DENND5B: variants seen among roughly 807,000 people sequenced by gnomAD.
DENND5B encodes DENN domain containing 5B.
A neutral mutation model predicts 140.6 loss-of-function variants in DENND5B; 34 were observed. That is an observed-to-expected ratio of 0.24 (90% CI 0.18 to 0.32). The LOEUF (loss-of-function observed/expected upper bound fraction) is 0.32, where lower values mean the gene tolerates loss of function less well. Among genes scored for constraint, DENND5B ranks in the 10% least tolerant of loss-of-function variants. DENND5B has a pLI of 1.00. For synonymous variants in DENND5B, 551 were observed against 562.1 expected, an observed-to-expected ratio of 0.98 and a Z score of 0.28; for missense variants, 1,142 against 1,560.2, an observed-to-expected ratio of 0.73 and a Z score of 4.52.
At chr12:31,472,110 C>G (rs1282084580) in intron 3 of DENND5B, among the ~76,000 whole-genome samples, 6 of 152,188 alleles carry the variant, frequency 3.9e-5, no homozygotes, top group Non-Finnish European at 7.4e-5. Context: ...CTCCATGTAA[C>G]TTTACTGCTT....
chr12:31,561,202 C>T lies in DENND5B; in HGVS notation c.127+29504G>A, dbSNP rs186560197. 1.6e-4 allele frequency among the ~76,000 whole-genome samples: 24 copies of T among 152,290 alleles called. No individual in the cohort carries two copies. The East Asian group carries it at 4.4e-3, about 28-fold the overall frequency. ...TACACAGCTGCACCATACTCATGTA[C>T]GCATCTCAAGGGGGCAAAGCCCGCA... On this transcript the variant is annotated intron_variant, in intron 1 of 20. Transcript: ENST00000389082.
At chr12:31,469,322 G>C (rs1251650001) in intron 3 of DENND5B, among the ~76,000 whole-genome samples, 4 of 116,968 alleles carry the variant, frequency 3.4e-5, no homozygotes, top group African/African-American at 1.2e-4. Context: ...GACAGAGACA[G>C]ACTCCATCTC....
intron 19 of DENND5B, among the ~76,000 whole-genome samples, chr12:31,390,787 G>A (rs1941097844): frequency 6.6e-6 from 1 of 152,186 alleles, no homozygotes; most frequent in Admixed American, 6.5e-5. Context: ...ACCTTGGGAG[G>A]CCAAGGCAAG....
At chr12:31,545,404 T>C (rs749264973) in intron 1 of DENND5B, among the ~76,000 whole-genome samples, 56 of 152,172 alleles carry the variant, frequency 3.7e-4, no homozygotes, top group African/African-American at 5.5e-4. Context: ...CTCCATCTAA[T>C]AGTCCCCAGT....
Position 31,452,137 on chromosome 12 carries a change from C to A in DENND5B, c.1432G>T (p.Gly478Cys). Residue 478 changes from glycine (G) to cysteine (C), a missense_variant, in exon 5 of 21, where the codon GGT becomes TGT. Physicochemically the swap from Gly to Cys is radical, Grantham distance 159. This residue lies in a region of DENND5B where 708 missense variants were observed against 905.5 expected (regional missense o/e 0.78). Coordinates refer to ENST00000389082, the MANE Select transcript of DENND5B (RefSeq NM_144973.4). ...AGTTTTAAATCCTTGTCTTTTTCAC[C>A]CAGAGAAGCAGAGAGGTCCATTTTT... ...VEKMDLSASL[G>C]EKDKDLKLHC... 1 of 1,613,898 alleles carries A rather than the reference C, an allele frequency of 6.2e-7. No individual in the cohort carries two copies. Among genetic ancestry groups the A allele is most frequent in the Non-Finnish European group, 8.5e-7 (1 of 1,179,882 alleles).
chr12:31,414,370 G>A (rs1942615136), intron 12 of DENND5B, among the ~76,000 whole-genome samples: 1 of 152,144 alleles, frequency 6.6e-6, no homozygotes, highest in Non-Finnish European at 1.5e-5. Flanking sequence ...AATTCCAAGT[G>A]ATGATTCTCA....
intron 1 of DENND5B, among the ~76,000 whole-genome samples, chr12:31,516,400 T>C (rs978073475): frequency 3.3e-5 from 5 of 149,502 alleles, no homozygotes; most frequent in Non-Finnish European, 7.4e-5. Flanking sequence ...CACCTGAGTC[T>C]AGGGATGGTG....
At chr12:31,519,810 C>T (rs1368376184) in intron 1 of DENND5B, among the ~76,000 whole-genome samples, 1 of 152,168 alleles carries the variant, frequency 6.6e-6, no homozygotes, top group Non-Finnish European at 1.5e-5. Flanking sequence ...ATTGCACATA[C>T]CCTTACACTC....
chr12:31,409,881 C>T (rs1170692911), intron 13 of DENND5B, among the ~76,000 whole-genome samples: 1 of 152,174 alleles, frequency 6.6e-6, no homozygotes, highest in African/African-American at 2.4e-5. Context: ...AGAAATCCTC[C>T]TGCCTCAGTC....
chr12:31,484,761 A>G (rs1946222315), intron 2 of DENND5B, among the ~76,000 whole-genome samples: 1 of 152,164 alleles, frequency 6.6e-6, no homozygotes, highest in African/African-American at 2.4e-5. Flanking sequence ...AGATTGTGCC[A>G]CTGAACTCCA....
At chr12:31,566,569 G>C (rs1192414595) in intron 1 of DENND5B, among the ~76,000 whole-genome samples, 3 of 152,046 alleles carry the variant, frequency 2.0e-5, no homozygotes, top group African/African-American at 4.8e-5. Context: ...AGGAGTTCAA[G>C]ACGAGCAAGG....
chr12:31,395,173 T>C (rs908768943), intron 17 of DENND5B, among the ~76,000 whole-genome samples: 1 of 152,206 alleles, frequency 6.6e-6, no homozygotes, highest in Non-Finnish European at 1.5e-5. Context: ...AGGAGTAAGA[T>C]TGCTGGGCCA....
chr12:31,406,734 TGAAA>T (rs1942141514), intron 14 of DENND5B, among the ~76,000 whole-genome samples: 1 of 152,114 alleles, frequency 6.6e-6, no homozygotes, highest in African/African-American at 2.4e-5. Context: ...TTCCTCAAAT[TGAAA>T]GAGTTACTCA....
intron 1 of DENND5B, among the ~76,000 whole-genome samples, chr12:31,558,140 C>CA (rs1320358769): frequency 9.2e-5 from 14 of 152,198 alleles, no homozygotes; most frequent in African/African-American, 3.4e-4. Context: ...TAGAGATACT[C>CA]AGACACTGAG....
intron 3 of DENND5B, among the ~76,000 whole-genome samples, chr12:31,478,798 A>C (rs967351257): frequency 1.3e-5 from 2 of 152,170 alleles, no homozygotes; most frequent in Non-Finnish European, 2.9e-5. Context: ...ACTATCCATT[A>C]AGACATAGCA....
At chr12:31,390,779 CT>C (rs1232549277) in intron 19 of DENND5B, among the ~76,000 whole-genome samples, 13 of 151,708 alleles carry the variant, frequency 8.6e-5, no homozygotes, top group Non-Finnish European at 2.9e-5. Context: ...ATCCCAGCAC[CT>C]TGGGAGGCCA....
intron 3 of DENND5B, among the ~76,000 whole-genome samples, chr12:31,464,415 A>G (rs545755419): frequency 2.4e-4 from 36 of 152,320 alleles, no homozygotes; most frequent in Non-Finnish European, 4.3e-4. Context: ...TACTATCTAC[A>G]TGCTTCAACA....
intron 3 of DENND5B, among the ~76,000 whole-genome samples, chr12:31,473,175 T>G (rs906670453): frequency 6.6e-6 from 1 of 152,194 alleles, no homozygotes; most frequent in African/African-American, 2.4e-5. Flanking sequence ...TGGGCTCAAG[T>G]GATCCTCCTG....
chr12:31,540,231 T>C (rs1948639286), intron 1 of DENND5B, among the ~76,000 whole-genome samples: 1 of 152,094 alleles, frequency 6.6e-6, no homozygotes, highest in Non-Finnish European at 1.5e-5. Context: ...CACAAAAAAC[T>C]GGAAAGACAT....
Sources: gnomAD v4.1 joint callset for allele counts (sites outside exome capture counted in the v4.1 genomes callset) on GRCh38, gnomAD v4.1.1 for gene constraint, gnomAD v4.1.1 regional missense constraint, MANE v1.5 for transcripts, NCBI Gene and HGNC (gene_info 2026-07-23, HGNC 2026-07-21) for gene names.